The following NEGR1 variants were observed in gnomAD, a reference collection of about 807,000 sequenced individuals.
NEGR1 encodes the protein IgLON family member 4.
NEGR1 carries 10 observed loss-of-function variants against 40.9 expected under a neutral mutation model. The ratio of observed to expected loss-of-function variants is 0.24; its 90% CI spans 0.15 to 0.42. The LOEUF (loss-of-function observed/expected upper bound fraction) is 0.42, where lower values mean the gene tolerates loss of function less well. NEGR1 is among the 10% of genes least tolerant of loss of function. The pLI, the probability that NEGR1 is intolerant of heterozygous loss-of-function variation, is 1.00. For synonymous variants in NEGR1, 185 were observed against 166.8 expected, an observed-to-expected ratio of 1.11 and a Z score of -0.84; for missense variants, 352 against 438.9, an observed-to-expected ratio of 0.80 and a Z score of 1.77.
chr1:71,601,307 T>C (rs1649911861), intron 5 of NEGR1, among the ~76,000 whole-genome samples: 1 of 151,938 alleles, frequency 6.6e-6, no homozygotes, highest in Admixed American at 6.6e-5. Context: ...TATTAAAAAG[T>C]CAAAAAAACA....
At chr1:71,708,786 T>C (rs1653986482) in intron 3 of NEGR1, among the ~76,000 whole-genome samples, 1 of 152,304 alleles carries the variant, frequency 6.6e-6, no homozygotes, top group East Asian at 1.9e-4. Context: ...TTCCCCACTA[T>C]GCATCCATGT....
chr1:72,259,678 C>A (rs1655392767), intron 1 of NEGR1, among the ~76,000 whole-genome samples: 1 of 152,034 alleles, frequency 6.6e-6, no homozygotes, highest in Non-Finnish European at 1.5e-5. Flanking sequence ...GGAGCTTATA[C>A]ATGGAGAAAA....
intron 1 of NEGR1, among the ~76,000 whole-genome samples, chr1:72,029,537 C>T (rs1240430879): frequency 6.6e-6 from 1 of 152,090 alleles, no homozygotes; most frequent in Non-Finnish European, 1.5e-5. Context: ...GTAACGGAGT[C>T]ATTTTGACGT....
chr1:71,914,131 C>A lies in NEGR1; in HGVS notation c.409+20948G>T, dbSNP rs1027269316. Among the ~76,000 whole-genome samples, 126 of 152,184 alleles carry A rather than the reference C, an allele frequency of 8.3e-4. 1 individual carries two copies. Among genetic ancestry groups the A allele is most frequent in the African/African-American group, 3.0e-3 (124 of 41,446 alleles). ...ATGATTCTGAGACGCCAATCCTGAA[C>A]AGGAATTAACTCTTTCTTAGCCAAT... On this transcript the variant is annotated intron_variant, in intron 2 of 6. Coordinates refer to ENST00000357731, the MANE Select transcript of NEGR1 (RefSeq NM_173808.3).
At chr1:71,449,277 C>A (rs1426867512) in intron 6 of NEGR1, among the ~76,000 whole-genome samples, 1 of 152,134 alleles carries the variant, frequency 6.6e-6, no homozygotes, top group Non-Finnish European at 1.5e-5. Flanking sequence ...AATGGCTAAC[C>A]TCACTTGATT....
At chr1:72,201,995 C>T (rs1375751730) in intron 1 of NEGR1, among the ~76,000 whole-genome samples, 8 of 151,874 alleles carry the variant, frequency 5.3e-5, no homozygotes, top group Admixed American at 5.3e-4. Context: ...TCTTTTGGTA[C>T]CATTTTTCCA....
intron 1 of NEGR1, among the ~76,000 whole-genome samples, chr1:72,129,408 T>C (rs1380036398): frequency 6.6e-6 from 1 of 152,182 alleles, no homozygotes; most frequent in African/African-American, 2.4e-5. Flanking sequence ...CTACATCTAG[T>C]TAATACAAAA....
chr1:71,964,206 C>T (rs1347062846), intron 1 of NEGR1, among the ~76,000 whole-genome samples: 4 of 152,200 alleles, frequency 2.6e-5, no homozygotes, highest in East Asian at 3.9e-4. Flanking sequence ...GATGCTTCTG[C>T]GTTATGGCCT....
intron 2 of NEGR1, among the ~76,000 whole-genome samples, chr1:71,875,743 G>A (rs1349863724): frequency 6.6e-6 from 1 of 152,200 alleles, no homozygotes; most frequent in East Asian, 1.9e-4. Context: ...TTAACTACTT[G>A]AAACACTAAG....
chr1:72,253,008 G>A (rs1444329725), intron 1 of NEGR1, among the ~76,000 whole-genome samples: 1 of 152,156 alleles, frequency 6.6e-6, no homozygotes, highest in African/African-American at 2.4e-5. Flanking sequence ...AGGATCTTTT[G>A]CCTCAAGAAA....
intron 2 of NEGR1, among the ~76,000 whole-genome samples, chr1:71,928,374 A>G (rs866097555): frequency 2.6e-4 from 19 of 73,570 alleles, no homozygotes; most frequent in African/African-American, 5.4e-4. Flanking sequence ...ACATATGTAT[A>G]TATGTATATA....
chr1:71,750,285 G>C (rs532927124), intron 3 of NEGR1, among the ~76,000 whole-genome samples: 1 of 152,134 alleles, frequency 6.6e-6, no homozygotes, highest in Non-Finnish European at 1.5e-5. Flanking sequence ...GAGCCACCGC[G>C]CCCGGCCCTG....
At chr1:72,161,391 T>C (rs1049001431) in intron 1 of NEGR1, among the ~76,000 whole-genome samples, 2 of 152,002 alleles carry the variant, frequency 1.3e-5, no homozygotes, top group African/African-American at 4.8e-5. Flanking sequence ...CTCCATGGTG[T>C]ATTTCAACCA....
intron 2 of NEGR1, among the ~76,000 whole-genome samples, chr1:71,904,578 C>T (rs1661227904): frequency 6.6e-6 from 1 of 152,094 alleles, no homozygotes; most frequent in African/African-American, 2.4e-5. Flanking sequence ...AATTAGAAAT[C>T]TCTTATTAGG....
At chr1:71,955,084 G>T (rs1022008643) in intron 1 of NEGR1, among the ~76,000 whole-genome samples, 5 of 152,070 alleles carry the variant, frequency 3.3e-5, no homozygotes, top group Non-Finnish European at 7.4e-5. Context: ...CAAATTCTTG[G>T]CCCTTTGTAC....
chr1:71,731,829 G>C (rs749732692), intron 3 of NEGR1, among the ~76,000 whole-genome samples: 1 of 152,126 alleles, frequency 6.6e-6, no homozygotes, highest in Non-Finnish European at 1.5e-5. Flanking sequence ...TTAGTTTTAA[G>C]GTCGTTTAAG....
intron 1 of NEGR1, among the ~76,000 whole-genome samples, chr1:72,170,727 C>T (rs1326148338): frequency 6.6e-6 from 1 of 152,160 alleles, no homozygotes; most frequent in Non-Finnish European, 1.5e-5. Flanking sequence ...ATATCAGAGG[C>T]TAACATTTCT....
At chr1:71,906,695 C>G (rs1255783236) in intron 2 of NEGR1, among the ~76,000 whole-genome samples, 3 of 152,070 alleles carry the variant, frequency 2.0e-5, no homozygotes, top group Non-Finnish European at 4.4e-5. Flanking sequence ...ACAGCATTCA[C>G]TAGACGCATA....
At chr1:71,999,256 A>G (rs1449983835) in intron 1 of NEGR1, among the ~76,000 whole-genome samples, 1 of 151,918 alleles carries the variant, frequency 6.6e-6, no homozygotes, top group Admixed American at 6.6e-5. Flanking sequence ...TCTATTTTAA[A>G]AGAGTTCAAC....
Sources: gnomAD v4.1 joint callset for allele counts (sites outside exome capture counted in the v4.1 genomes callset) on GRCh38, gnomAD v4.1.1 for gene constraint, MANE v1.5 for transcripts, NCBI Gene and HGNC (gene_info 2026-07-23, HGNC 2026-07-21) for gene names.